Variants in FRAS1 observed in about 807,000 individuals in gnomAD.
The protein encoded by FRAS1 is Fraser extracellular matrix complex subunit 1.
A neutral mutation model predicts 435.2 loss-of-function variants in FRAS1; 290 were observed. The observed-to-expected ratio is 0.67, with a 90% confidence interval of 0.61 to 0.73. The LOEUF (loss-of-function observed/expected upper bound fraction) is 0.73, where lower values mean the gene tolerates loss of function less well. FRAS1 is among the 30% of genes least tolerant of loss of function. FRAS1 has a pLI of 0.00. For synonymous variants in FRAS1, 1,800 were observed against 1,851.0 expected (o/e 0.97, Z 0.71); for missense variants, 4,860 against 5,001.5 (o/e 0.97, Z 0.85).
intron 22 of FRAS1, among the ~76,000 whole-genome samples, chr4:78,365,889 T>G (rs1272251705): frequency 6.6e-6 from 1 of 151,110 alleles, no homozygotes; most frequent in Non-Finnish European, 1.5e-5. Flanking sequence ...CGCTTGAACC[T>G]GGGAGGCGGA....
At chr4:78,139,235 C>T (rs916181392) in intron 2 of FRAS1, among the ~76,000 whole-genome samples, 1 of 152,106 alleles carries the variant, frequency 6.6e-6, no homozygotes, top group African/African-American at 2.4e-5. Flanking sequence ...GGCTGAGGAA[C>T]AGGACCTTGG....
At chr4:78,270,007 TGATTAG>T (rs1180589473) in intron 9 of FRAS1, among the ~76,000 whole-genome samples, 1 of 152,158 alleles carries the variant, frequency 6.6e-6, no homozygotes, top group African/African-American at 2.4e-5. Flanking sequence ...GCTGTAGGTA[TGATTAG>T]GTGGGGAAAG....
In FRAS1 at chr4:78,058,000, C is replaced by G. The variant is rs372008113; in HGVS notation, c.-10C>G. Reference sequence around the variant, plus strand: ...GGCTGGGCTCCTCCATCGTGGGTGCCGAGGCGGCGATGGGTGTCCTCAAAG... The same window carrying G: ...GGCTGGGCTCCTCCATCGTGGGTGCGGAGGCGGCGATGGGTGTCCTCAAAG... On this transcript the variant is annotated 5_prime_UTR_variant, in exon 1 of 74. Coordinates refer to ENST00000512123, the MANE Select transcript of FRAS1 (RefSeq NM_025074.7). This position sits in a 1 kb window ranked among gnomAD's most constrained non-coding sequence, Gnocchi z 4.2. The G allele has an allele frequency of 2.6e-5, 42 of 1,613,518 alleles. No individual in the cohort carries two copies. The highest frequency in any genetic ancestry group is 3.3e-5 in the Non-Finnish European group (39 of 1,179,646).
chr4:78,425,302 C>CT (rs1733955564), intron 35 of FRAS1, among the ~76,000 whole-genome samples: 1 of 152,092 alleles, frequency 6.6e-6, no homozygotes, highest in Non-Finnish European at 1.5e-5. Flanking sequence ...GTGTGGAAGA[C>CT]CTCTGCTTTC....
At chr4:78,445,763 C>A (rs753294891) in intron 42 of FRAS1, 51 bp downstream of exon 42, 1 of 1,608,306 alleles carries the variant, frequency 6.2e-7, no homozygotes, top group African/African-American at 1.3e-5. Flanking sequence ...CAATATTTCA[C>A]ACCATTAGAG....
intron 2 of FRAS1, among the ~76,000 whole-genome samples, chr4:78,236,287 C>CATTG (rs1724756447): frequency 7.0e-6 from 1 of 142,810 alleles, no homozygotes; most frequent in Admixed American, 6.9e-5. Flanking sequence ...GAAATAGTTG[C>CATTG]ATTTATTTAT....
At position 78,126,040 on chromosome 4, in the gene FRAS1, G is replaced by T. The variant is rs955109181; in HGVS notation, c.108+60024G>T. On this transcript the variant is annotated intron_variant, in intron 2 of 73. Coordinates refer to ENST00000512123, the MANE Select transcript of FRAS1 (RefSeq NM_025074.7). Reference sequence around the variant, plus strand: ...GCTGAGCTGCAGTGGGCTCCACCCAGTTCGAGCTTCCCTGCTGCTTTGTTT... The same window carrying T: ...GCTGAGCTGCAGTGGGCTCCACCCATTTCGAGCTTCCCTGCTGCTTTGTTT... Among the ~76,000 whole-genome samples, 5 of 152,336 alleles carry T rather than the reference G, an allele frequency of 3.3e-5. No homozygotes were observed. In the East Asian group the frequency reaches 9.6e-4, roughly 29 times the overall value.
chr4:78,372,913 T>A, intron 24 of FRAS1, 55 bp downstream of exon 24: 1 of 1,569,384 alleles, frequency 6.4e-7, no homozygotes, highest in South Asian at 1.2e-5. Context: ...CACCTCTGAT[T>A]TGTACTGTTC....
intron 2 of FRAS1, among the ~76,000 whole-genome samples, chr4:78,220,074 C>T (rs1345816240): frequency 6.6e-6 from 1 of 152,184 alleles, no homozygotes; most frequent in African/African-American, 2.4e-5. Context: ...AGATGATTAA[C>T]TCTTTGAAGA....
intron 2 of FRAS1, among the ~76,000 whole-genome samples, chr4:78,228,430 A>T (rs544438363): frequency 6.6e-6 from 1 of 152,356 alleles, no homozygotes; most frequent in Non-Finnish European, 1.5e-5. Context: ...TTATGTTAGA[A>T]CAAGTGGAAA....
intron 6 of FRAS1, among the ~76,000 whole-genome samples, chr4:78,263,614 C>T (rs1193968518): frequency 6.6e-6 from 1 of 152,184 alleles, no homozygotes; most frequent in Non-Finnish European, 1.5e-5. Context: ...AATAGTGTAA[C>T]ATCAGCTAAC....
intron 9 of FRAS1, 143 bp from the exon 10 acceptor site, chr4:78,278,512 G>GGA (rs1471254003): frequency 3.4e-5 from 21 of 615,988 alleles, no homozygotes; most frequent in Middle Eastern, 2.5e-4. Context: ...CAGGACAGGG[G>GGA]GAGATGAAAC....
At chr4:78,393,122 A>C (rs1308373516) in intron 29 of FRAS1, among the ~76,000 whole-genome samples, 1 of 151,890 alleles carries the variant, frequency 6.6e-6, no homozygotes, top group Non-Finnish European at 1.5e-5. Context: ...ATAGGCATGG[A>C]AGCATCACCA....
intron 2 of FRAS1, among the ~76,000 whole-genome samples, chr4:78,225,579 C>G (rs1724234771): frequency 6.6e-6 from 1 of 152,144 alleles, no homozygotes; most frequent in African/African-American, 2.4e-5. Flanking sequence ...AACTATATTT[C>G]CAGCTCAAGA....
At chr4:78,377,663 C>T (rs1731828176) in intron 26 of FRAS1, among the ~76,000 whole-genome samples, 1 of 152,180 alleles carries the variant, frequency 6.6e-6, no homozygotes, top group Non-Finnish European at 1.5e-5. Context: ...AATCCTACTC[C>T]AGTGTAAATT....
chr4:78,392,695 C>G (rs1343935379), intron 29 of FRAS1, among the ~76,000 whole-genome samples: 1 of 151,250 alleles, frequency 6.6e-6, no homozygotes, highest in Non-Finnish European at 1.5e-5. Flanking sequence ...TTATTGCCTG[C>G]TAATGTGGTC....
rs1256942438 is a variant in FRAS1, at chr4:78,542,016, T to G, written c.*892T>G. 6.6e-6 allele frequency: 1 copy of G among 152,210 alleles called. No homozygotes were observed. Among genetic ancestry groups the G allele is most frequent in the East Asian group, 1.9e-4 (1 of 5,202 alleles). The allele number at this position is 152,210 out of a possible 1,614,324, so 9.4% of individuals were successfully genotyped here. On this transcript the variant is annotated 3_prime_UTR_variant, in exon 74 of 74. Transcript: ENST00000512123. ...AAAACCCACCACACTTTCCTCCTAC[T>G]CCGGTCTTTGCCCGTTCCTGTAACA... is the stretch of plus-strand genomic sequence containing the variant.
intron 2 of FRAS1, among the ~76,000 whole-genome samples, chr4:78,222,707 C>A (rs187668956): frequency 6.6e-6 from 1 of 152,156 alleles, no homozygotes; most frequent in African/African-American, 2.4e-5. Flanking sequence ...TCTTTTGTTG[C>A]GGTGGGTCTC....
At chr4:78,161,716 T>G (rs1328257529) in intron 2 of FRAS1, among the ~76,000 whole-genome samples, 1 of 110,640 alleles carries the variant, frequency 9.0e-6, no homozygotes, top group Admixed American at 1.4e-4. Flanking sequence ...TGCTCCAGCC[T>G]GGGCAACAAG....
Sources: allele counts gnomAD v4.1 joint callset (sites outside exome capture counted in the v4.1 genomes callset), GRCh38; gene constraint gnomAD v4.1.1; non-coding constraint Gnocchi (gnomAD v3.1); transcripts MANE v1.5; gene names NCBI Gene and HGNC (gene_info 2026-07-23, HGNC 2026-07-21).